LARGE1: variants seen among roughly 807,000 people sequenced by gnomAD.
The protein encoded by LARGE1 is xylosyl- and glucuronyltransferase LARGE1.
A neutral mutation model predicts 87.6 loss-of-function variants in LARGE1; 43 were observed. The ratio of observed to expected loss-of-function variants is 0.49; its 90% CI spans 0.38 to 0.63. The LOEUF (loss-of-function observed/expected upper bound fraction) is 0.63, where lower values mean the gene tolerates loss of function less well. Among genes scored for constraint, LARGE1 ranks in the 30% least tolerant of loss-of-function variants. The pLI, the probability that LARGE1 is intolerant of heterozygous loss-of-function variation, is 0.00. For synonymous variants in LARGE1, 434 were observed against 394.6 expected, an observed-to-expected ratio of 1.10 and a Z score of -1.18; for missense variants, 802 against 1,000.2, an observed-to-expected ratio of 0.80 and a Z score of 2.67.
intron 2 of LARGE1, among the ~76,000 whole-genome samples, chr22:33,695,102 T>C (rs925452634): frequency 7.0e-6 from 1 of 142,882 alleles, no homozygotes; most frequent in African/African-American, 2.6e-5. Context: ...TTTTCTTTCT[T>C]TCTTTCTTTT....
chr22:33,598,742 A>G (rs1346610793), intron 5 of LARGE1, among the ~76,000 whole-genome samples: 4 of 152,190 alleles, frequency 2.6e-5, no homozygotes, highest in Non-Finnish European at 2.9e-5. Flanking sequence ...CATGGTGTCT[A>G]TGTGCCACAT....
the LARGE1 span, among the ~76,000 whole-genome samples, chr22:33,112,096 CAT>C: frequency 1.3e-5 from 2 of 152,204 alleles, no homozygotes; most frequent in African/African-American, 4.8e-5. Context: ...AATAGCTTGA[CAT>C]GTGTTTTTAA....
intron 11 of LARGE1, among the ~76,000 whole-genome samples, chr22:33,244,274 C>T (rs1926656380): frequency 6.6e-6 from 1 of 152,110 alleles, no homozygotes; most frequent in South Asian, 2.1e-4. Flanking sequence ...GGATTACAGA[C>T]ATGAGCCACC....
At chr22:33,797,917 T>C (rs1190806495) in intron 1 of LARGE1, among the ~76,000 whole-genome samples, 1 of 152,226 alleles carries the variant, frequency 6.6e-6, no homozygotes. Context: ...ATAATCCTAA[T>C]GCACAGAGGT....
chr22:33,303,858 C>T (rs1453994709), intron 12 of LARGE1, among the ~76,000 whole-genome samples: 1 of 151,944 alleles, frequency 6.6e-6, no homozygotes, highest in South Asian at 2.1e-4. Context: ...CTCCTGACCT[C>T]GTGATCCACC....
intron 12 of LARGE1, among the ~76,000 whole-genome samples, chr22:33,298,576 G>T (rs147377260): frequency 7.6e-4 from 116 of 152,234 alleles, no homozygotes; most frequent in African/African-American, 2.6e-3. Context: ...TAATCCTAGG[G>T]TTGTGGGAGG....
intron 11 of LARGE1, among the ~76,000 whole-genome samples, chr22:33,206,685 C>CAA (rs1924704605): frequency 6.6e-6 from 1 of 152,166 alleles, no homozygotes; most frequent in East Asian, 1.9e-4. Flanking sequence ...TAGGACAGTC[C>CAA]AATAGGTCTC....
chr22:33,144,365 A>G, the LARGE1 span, among the ~76,000 whole-genome samples: 9 of 152,126 alleles, frequency 5.9e-5, no homozygotes, highest in Admixed American at 2.6e-4. Context: ...TAATAATTCT[A>G]TAGTTGTTGC....
At chr22:33,890,282 C>A (rs761324042) in intron 1 of LARGE1, among the ~76,000 whole-genome samples, 3 of 152,166 alleles carry the variant, frequency 2.0e-5, no homozygotes, top group Admixed American at 1.3e-4. Flanking sequence ...GGGGCTCACA[C>A]TCCTGTTTAT....
chr22:33,711,370 T>C (rs2082726161), intron 2 of LARGE1, among the ~76,000 whole-genome samples: 3 of 152,224 alleles, frequency 2.0e-5, no homozygotes, highest in African/African-American at 7.2e-5. Context: ...AATCCTCTGC[T>C]ATACTACGCC....
intron 2 of LARGE1, among the ~76,000 whole-genome samples, chr22:33,704,024 G>C (rs1255694084): frequency 1.3e-5 from 2 of 152,162 alleles, no homozygotes; most frequent in African/African-American, 4.8e-5. Context: ...CCTCAATGTG[G>C]AGCTTCCACT....
At chr22:33,398,524 T>A (rs1423101637) in intron 7 of LARGE1, among the ~76,000 whole-genome samples, 1 of 152,192 alleles carries the variant, frequency 6.6e-6, no homozygotes, top group African/African-American at 2.4e-5. Flanking sequence ...ACCCTGCAGA[T>A]CTGAGGAGAT....
At chr22:33,398,723 G>A (rs767277046) in intron 7 of LARGE1, among the ~76,000 whole-genome samples, 1 of 152,152 alleles carries the variant, frequency 6.6e-6, no homozygotes, top group Non-Finnish European at 1.5e-5. Flanking sequence ...AGGTCATAGT[G>A]GATTAGAGTA....
At chr22:33,661,249 T>C (rs1389013298) in intron 2 of LARGE1, among the ~76,000 whole-genome samples, 1 of 149,566 alleles carries the variant, frequency 6.7e-6, no homozygotes, top group Non-Finnish European at 1.5e-5. Context: ...AGGGTCTCGC[T>C]CTGTTGCCCA....
chr22:33,694,268 C>T lies in LARGE1; in HGVS notation c.107-43600G>A, dbSNP rs533971993. On this transcript the variant is annotated intron_variant, in intron 2 of 14. Coordinates refer to ENST00000397394, the MANE Select transcript of LARGE1 (RefSeq NM_133642.5). ...GAGAGGCTGACACCAACATTCTTAG[C>T]GATGCTGTCTAAGGGGTGATCCATA... is the stretch of plus-strand genomic sequence containing the variant. Among the ~76,000 whole-genome samples the T allele has an allele frequency of 7.9e-5, 12 of 152,314 alleles. No individual in the cohort carries two copies. The South Asian group carries it at 8.3e-4, about 11-fold the overall frequency.
At chr22:33,545,658 C>T (rs1002696657) in intron 6 of LARGE1, among the ~76,000 whole-genome samples, 5 of 152,280 alleles carry the variant, frequency 3.3e-5, no homozygotes, top group East Asian at 1.9e-4. Context: ...AGGCTGGTCT[C>T]GAACTTCTTA....
At position 33,243,498 on chromosome 22, in the gene LARGE1, C is replaced by T. The variant is rs1394514527; in HGVS notation, c.1730+60731G>A. ...ATCAAATATTCCTTGGAATTATATA[C>T]TTTGTAGTCTTTAATGTCAGGCAAT... On this transcript the variant is annotated intron_variant, in intron 11 of 11. Coordinates refer to the LARGE1 transcript ENST00000608642. Among the ~76,000 whole-genome samples, 4 of 152,270 alleles carry T rather than the reference C, an allele frequency of 2.6e-5. No homozygotes were observed. The East Asian group carries it at 5.8e-4, about 22-fold the overall frequency.
intron 1 of LARGE1, among the ~76,000 whole-genome samples, chr22:33,797,966 C>T (rs1218249521): frequency 6.6e-6 from 1 of 152,110 alleles, no homozygotes; most frequent in Non-Finnish European, 1.5e-5. Flanking sequence ...GCTATCGTAC[C>T]TACACATTAA....
At chr22:33,468,179 C>T (rs1456967927) in intron 6 of LARGE1, among the ~76,000 whole-genome samples, 1 of 152,192 alleles carries the variant, frequency 6.6e-6, no homozygotes, top group African/African-American at 2.4e-5. Context: ...AGCATTCATT[C>T]CTTTGTTGAG....
Sources: gnomAD v4.1 joint callset for allele counts (sites outside exome capture counted in the v4.1 genomes callset) on GRCh38, gnomAD v4.1.1 for gene constraint, MANE v1.5 for transcripts, NCBI Gene and HGNC (gene_info 2026-07-23, HGNC 2026-07-21) for gene names.